EIF3A: variants seen among roughly 807,000 people sequenced by gnomAD.
The protein encoded by EIF3A is EIF3, p180 subunit.
Under a neutral mutation model 186.6 loss-of-function variants are expected in EIF3A, and 21 were observed. That is an observed-to-expected ratio of 0.11 (90% CI 0.08 to 0.16). EIF3A has a LOEUF of 0.16. Ranked by LOEUF, EIF3A falls within the 10% of genes least tolerant of loss-of-function variation. The probability of loss-of-function intolerance (pLI) is 1.00; values close to 1 mark genes in which losing one functional copy is unlikely to be tolerated. For synonymous variants in EIF3A, 563 were observed against 584.3 expected (o/e 0.96, Z 0.52); for missense variants, 1,306 against 1,796.3 (o/e 0.73, Z 4.93).
Position 119,051,269 on chromosome 10 carries a change from A to G in EIF3A, c.2249T>C (p.Met750Thr). The G allele has an allele frequency of 6.2e-7, 1 of 1,611,748 alleles. No individual in the cohort carries two copies. The highest frequency in any genetic ancestry group is 8.5e-7 in the Non-Finnish European group (1 of 1,179,306). Residue 750 changes from methionine to threonine, a missense_variant, in exon 15 of 22, where the codon ATG becomes ACG. Physicochemically the swap from Met to Thr is moderately conservative, Grantham distance 81. Around this residue, in one of 8 missense-constraint regions of EIF3A, gnomAD observed 410 missense variants for 473.5 expected, o/e 0.87. Transcript: ENST00000369144. ...REKALEHKNR[M>T]SRMLEDRDLF... ...ATCTCTGTCTTCAAGCATTCGTGAC[A>G]TTCGATTCTTATGTTCAAGAGCCTT...
In EIF3A at chr10:119,061,398, A is replaced by G. The variant is rs190488531; in HGVS notation, c.1123-70T>C. On this transcript the variant is annotated intron_variant, in intron 7 of 21. Transcript: ENST00000369144. ...CCAACTAAAATTCTGAACTTAGTAT[A>G]AATGATAGCATTGGAAATCTGGAAA... 1.2e-3 allele frequency: 786 copies of G among 665,146 alleles called. 8 individuals carry two copies. Among genetic ancestry groups the G allele is most frequent in the Middle Eastern group, 0.012 (33 of 2,860 alleles). The allele number at this position is 665,146 out of a possible 1,614,324, so 41.2% of individuals were successfully genotyped here. A position where few individuals can be genotyped will look rare whatever the true frequency, so the allele number is the denominator to read the frequency against.
At chr10:119,037,088 C>A in intron 21 of EIF3A, 31 bp downstream of exon 21, 1 of 865,678 alleles carries the variant, frequency 1.2e-6, no homozygotes, top group South Asian at 1.5e-5. Context: ...CGACAGTTCT[C>A]CAATACTTCA....
rs146362827 is a variant in EIF3A at position 119,076,700 on chromosome 10, G to A, written c.50-2763C>T. Reference sequence around the variant, plus strand: ...CTCACACCTATAATCCTAGCCCTCTGGGAGGCCAAGGCATCACTTGCGGTC... The same window carrying A: ...CTCACACCTATAATCCTAGCCCTCTAGGAGGCCAAGGCATCACTTGCGGTC... On this transcript the variant is annotated intron_variant, in intron 1 of 21. Coordinates refer to ENST00000369144, the MANE Select transcript of EIF3A (RefSeq NM_003750.4). Among the ~76,000 whole-genome samples, 908 of 152,112 alleles carry A rather than the reference G, an allele frequency of 6.0e-3. 2 individuals carry two copies. Among genetic ancestry groups the A allele is most frequent in the Non-Finnish European group, 6.5e-3 (445 of 67,996 alleles).
At position 119,036,206 on chromosome 10, in the gene EIF3A, GA is replaced by G; in HGVS notation, c.3981del (p.Arg1328ValfsTer67). 1 of 1,613,514 alleles carries G rather than the reference GA, an allele frequency of 6.2e-7. No homozygotes were observed. Reference sequence around the variant, plus strand: ...GAAAGAGCTGGGGGAGGAACTCGACGAGGAGGGTCCCGCTCTTCCACCCGGT... The same window carrying G: ...GAAAGAGCTGGGGGAGGAACTCGACGGGAGGGTCCCGCTCTTCCACCCGGT... ...KDDRVEERDP[P>X]RRVPPPALSR... On this transcript the variant is annotated frameshift_variant, in exon 22 of 22. Coordinates refer to ENST00000369144, the MANE Select transcript of EIF3A (RefSeq NM_003750.4). LOFTEE classifies it high-confidence loss of function.
chr10:119,045,082 C>T (rs1848266623), intron 17 of EIF3A, among the ~76,000 whole-genome samples: 1 of 151,684 alleles, frequency 6.6e-6, no homozygotes, highest in Non-Finnish European at 1.5e-5. Context: ...GTAGCTAGGA[C>T]TACAAGCGCC....
chr10:119,062,288 G>A (rs1337339546), intron 7 of EIF3A, among the ~76,000 whole-genome samples: 1 of 152,114 alleles, frequency 6.6e-6, no homozygotes, highest in Non-Finnish European at 1.5e-5. Context: ...ATAGGGAAAT[G>A]TGAAAGGCTG....
chr10:119,065,267 C>G (rs1231428975), intron 7 of EIF3A, 132 bp downstream of exon 7: 1 of 663,060 alleles, frequency 1.5e-6, no homozygotes, highest in African/African-American at 1.8e-5. Context: ...GTGATTGACA[C>G]CAGTGCTTCC....
At chr10:119,057,281 A>G (rs1303841565) in intron 12 of EIF3A, among the ~76,000 whole-genome samples, 1 of 152,208 alleles carries the variant, frequency 6.6e-6, no homozygotes, top group Non-Finnish European at 1.5e-5. Context: ...TAAATAGGGT[A>G]AGCAAACCTA....
rs1176004698 is a variant in EIF3A at position 119,059,242 on chromosome 10, T to C, written c.1599A>G (p.Ala533=). ...LTAMSSVLAK[A]LEVIKPAHIL... ...TATGAGCTGGTTTAATGACTTCAAG[T>C]GCTTTTGCAAGTACTGAGGACATGG... The change falls in exon 11 of 22, where the codon GCA becomes GCG. Residue 533 remains alanine, a synonymous_variant. Coordinates refer to ENST00000369144, the MANE Select transcript of EIF3A (RefSeq NM_003750.4). 6.2e-7 allele frequency: 1 copy of C among 1,614,204 alleles called. No homozygotes were observed. The highest frequency in any genetic ancestry group is 2.2e-5 in the East Asian group (1 of 44,882).
At chr10:119,062,979 C>T (rs1843914807) in intron 7 of EIF3A, among the ~76,000 whole-genome samples, 1 of 151,416 alleles carries the variant, frequency 6.6e-6, no homozygotes, top group Admixed American at 6.6e-5. Context: ...TCGTTTCAAA[C>T]TCCTGACCTG....
intron 1 of EIF3A, among the ~76,000 whole-genome samples, chr10:119,075,651 C>CATATATATAT (rs5788328): frequency 4.1e-5 from 4 of 97,064 alleles, no homozygotes; most frequent in Admixed American, 1.8e-4. Flanking sequence ...TATATATATA[C>CATATATATAT]ATATATATAT....
chr10:119,046,046 A>G (rs1384656618), intron 17 of EIF3A, among the ~76,000 whole-genome samples: 1 of 152,244 alleles, frequency 6.6e-6, no homozygotes, highest in Non-Finnish European at 1.5e-5. Flanking sequence ...TAAATTAAGT[A>G]GATTTTTGTC....
chr10:119,077,465 A>G (rs1026916502), intron 1 of EIF3A, among the ~76,000 whole-genome samples: 1 of 152,082 alleles, frequency 6.6e-6, no homozygotes, highest in African/African-American at 2.4e-5. Context: ...AAATAAATAA[A>G]TAGTTGGAAT....
At chr10:119,050,253 G>A (rs1002022530) in intron 16 of EIF3A, among the ~76,000 whole-genome samples, 6 of 152,036 alleles carry the variant, frequency 3.9e-5, no homozygotes, top group African/African-American at 1.5e-4. Context: ...GCCATCATCT[G>A]GAATGTATTC....
At chr10:119,079,586 G>GAA (rs746382008) in intron 1 of EIF3A, among the ~76,000 whole-genome samples, 2 of 149,272 alleles carry the variant, frequency 1.3e-5, no homozygotes, top group East Asian at 3.9e-4. Flanking sequence ...CGGTTAGAGG[G>GAA]GAAAAAAAAA....
intron 17 of EIF3A, among the ~76,000 whole-genome samples, chr10:119,048,325 A>G (rs1848308877): frequency 6.6e-6 from 1 of 152,172 alleles, no homozygotes. Flanking sequence ...AAAAATCTGA[A>G]TTAAGGCAGT....
chr10:119,038,800 G>A (rs1848170110), intron 19 of EIF3A, among the ~76,000 whole-genome samples: 1 of 151,978 alleles, frequency 6.6e-6, no homozygotes, highest in African/African-American at 2.4e-5. Flanking sequence ...TGCGCCTGTA[G>A]TCCTAGCTAC....
intron 11 of EIF3A, 128 bp downstream of exon 11, chr10:119,059,084 A>G (rs1843838608): frequency 6.5e-6 from 5 of 770,320 alleles, no homozygotes; most frequent in Admixed American, 2.5e-5. Flanking sequence ...ACCAAGTACA[A>G]TTCTATAGGA....
chr10:119,036,918 A>G (rs17098361), intron 21 of EIF3A, among the ~76,000 whole-genome samples: 9,765 of 152,178 alleles, frequency 0.064, 585 homozygotes, highest in African/African-American at 0.16. Context: ...TTAGTCTACT[A>G]CTGTACTTTG....
Sources: allele counts gnomAD v4.1 joint callset (sites outside exome capture counted in the v4.1 genomes callset), GRCh38; gene constraint gnomAD v4.1.1; regional missense constraint gnomAD v4.1.1; transcripts MANE v1.5; gene names NCBI Gene and HGNC (gene_info 2026-07-23, HGNC 2026-07-21).